Variants in DPYD observed in about 807,000 individuals in gnomAD.
The protein encoded by DPYD is dihydropyrimidine dehydrogenase, also known as dihydropyrimidine dehydrogenase [NADP(+)].
Under a neutral mutation model 116.2 loss-of-function variants are expected in DPYD, and 109 were observed. The ratio of observed to expected loss-of-function variants is 0.94; its 90% CI spans 0.80 to 1.10. DPYD has a LOEUF of 1.10. DPYD is among the 50% of genes least tolerant of loss of function. The probability of loss-of-function intolerance (pLI) is 0.00; values close to 1 mark genes in which losing one functional copy is unlikely to be tolerated. For missense variants in DPYD, 1,302 were observed against 1,254.5 expected (o/e 1.04, Z -0.57); for synonymous variants, 440 against 432.0 (o/e 1.02, Z -0.23).
At chr1:97,418,892 C>A (rs905525739) in intron 14 of DPYD, among the ~76,000 whole-genome samples, 1 of 151,982 alleles carries the variant, frequency 6.6e-6, no homozygotes, top group Non-Finnish European at 1.5e-5. Context: ...ATGACACTTA[C>A]CCTAAAGACT....
chr1:97,582,819 C>G (rs1213153766), intron 10 of DPYD, among the ~76,000 whole-genome samples: 2 of 152,172 alleles, frequency 1.3e-5, no homozygotes, highest in Non-Finnish European at 1.5e-5. Context: ...ATAGTCGTCC[C>G]TTAACTGAGT....
At position 97,260,523 on chromosome 1, in the gene DPYD, T is replaced by C. The variant is rs142292998; in HGVS notation, c.2300-25529A>G. Among the ~76,000 whole-genome samples the C allele has an allele frequency of 7.2e-5, 11 of 152,234 alleles. No individual in the cohort carries two copies. The East Asian group carries it at 1.9e-3, about 27-fold the overall frequency. ...TTATTAAAAGTGTTGCTTGAGAAGA[T>C]ATTAATTTGTTGTATAAGTATACAA... On this transcript the variant is annotated intron_variant, in intron 18 of 22. Coordinates refer to ENST00000370192, the MANE Select transcript of DPYD (RefSeq NM_000110.4).
intron 16 of DPYD, among the ~76,000 whole-genome samples, chr1:97,323,193 C>T (rs138928406): frequency 6.8e-6 from 1 of 146,100 alleles, no homozygotes; most frequent in South Asian, 2.1e-4. Context: ...CATATATACA[C>T]GTATATATAT....
At chr1:97,872,127 C>T (rs1671686953) in intron 2 of DPYD, among the ~76,000 whole-genome samples, 1 of 151,866 alleles carries the variant, frequency 6.6e-6, no homozygotes, top group African/African-American at 2.4e-5. Flanking sequence ...AAACTCTCTA[C>T]TGACAACTGA....
chr1:97,469,396 G>GAAAAAA (rs1557733908), intron 13 of DPYD, among the ~76,000 whole-genome samples: 6 of 8,520 alleles, frequency 7.0e-4, no homozygotes, highest in African/African-American at 3.5e-3. Flanking sequence ...AGCTAAAATT[G>GAAAAAA]CAAAAAAAAA....
intron 13 of DPYD, among the ~76,000 whole-genome samples, chr1:97,471,141 C>T (rs774829740): frequency 1.1e-4 from 17 of 152,146 alleles, no homozygotes; most frequent in Non-Finnish European, 2.1e-4. Context: ...AATGTAAGAA[C>T]AGAGCCTTAT....
intron 18 of DPYD, among the ~76,000 whole-genome samples, chr1:97,242,061 G>GT (rs1301397421): frequency 6.9e-6 from 1 of 145,414 alleles, no homozygotes; most frequent in East Asian, 2.0e-4. Context: ...GTAAATGTGT[G>GT]TATCTGTGTG....
intron 1 of DPYD, among the ~76,000 whole-genome samples, chr1:97,896,185 T>C (rs542963895): frequency 1.9e-4 from 29 of 151,900 alleles, no homozygotes; most frequent in African/African-American, 6.5e-4. Flanking sequence ...CAAACACTCA[T>C]TGAACTATAT....
intron 19 of DPYD, among the ~76,000 whole-genome samples, chr1:97,206,521 T>C (rs1468106539): frequency 6.6e-6 from 1 of 150,576 alleles, no homozygotes; most frequent in Non-Finnish European, 1.5e-5. Context: ...GAACAAAGAT[T>C]AAAATTCTGG....
chr1:97,734,669 C>T (rs1326834949), intron 4 of DPYD, among the ~76,000 whole-genome samples: 2 of 152,158 alleles, frequency 1.3e-5, no homozygotes, highest in Admixed American at 6.5e-5. Context: ...AGGAAAATAG[C>T]TTTTAAGTCA....
chr1:97,158,472 G>GACAT (rs567076316), intron 20 of DPYD, among the ~76,000 whole-genome samples: 2 of 112,030 alleles, frequency 1.8e-5, no homozygotes, highest in Non-Finnish European at 3.7e-5. Flanking sequence ...TAACTCACCA[G>GACAT]ACACACACAC....
At chr1:97,678,478 C>G (rs997957520) in intron 8 of DPYD, among the ~76,000 whole-genome samples, 1 of 152,090 alleles carries the variant, frequency 6.6e-6, no homozygotes, top group African/African-American at 2.4e-5. Context: ...AAGACTAAGT[C>G]AAGCCAACTT....
chr1:97,859,746 C>T (rs1419852756), intron 2 of DPYD, among the ~76,000 whole-genome samples: 1 of 152,018 alleles, frequency 6.6e-6, no homozygotes, highest in Non-Finnish European at 1.5e-5. Flanking sequence ...CAAAACCTTT[C>T]TTTTACTCAT....
intron 2 of DPYD, among the ~76,000 whole-genome samples, chr1:97,881,633 T>G (rs1672226007): frequency 6.6e-6 from 1 of 152,052 alleles, no homozygotes; most frequent in Admixed American, 6.6e-5. Flanking sequence ...ATACAAATGC[T>G]AATTTCCATA....
At chr1:97,585,975 T>A (rs72732342) in intron 10 of DPYD, 3,820 of 218,292 alleles carry the variant, frequency 0.017, 49 homozygotes, top group Non-Finnish European at 0.028. Flanking sequence ...TCCAAAGAGC[T>A]GAGATAGAAG....
intron 1 of DPYD, among the ~76,000 whole-genome samples, chr1:97,891,486 T>C (rs1005942623): frequency 6.6e-6 from 1 of 152,086 alleles, no homozygotes; most frequent in East Asian, 1.9e-4. Flanking sequence ...GATGGAATAT[T>C]ATCCAGGGCC....
At chr1:97,172,501 C>T (rs937326271) in intron 20 of DPYD, among the ~76,000 whole-genome samples, 1 of 152,158 alleles carries the variant, frequency 6.6e-6, no homozygotes, top group African/African-American at 2.4e-5. Context: ...ATAGCTAATG[C>T]TATAAATTCA....
chr1:97,428,796 G>A (rs978764832), intron 14 of DPYD, among the ~76,000 whole-genome samples: 1 of 150,138 alleles, frequency 6.7e-6, no homozygotes, highest in Non-Finnish European at 1.5e-5. Flanking sequence ...TTTTGAGCAT[G>A]TGTAGGTGTT....
chr1:97,279,131 G>C (rs1019675653), intron 18 of DPYD, among the ~76,000 whole-genome samples: 1 of 152,108 alleles, frequency 6.6e-6, no homozygotes, highest in Non-Finnish European at 1.5e-5. Context: ...GCATAGTGGT[G>C]AATCTGTAAG....
Sources: gnomAD v4.1 joint callset for allele counts (sites outside exome capture counted in the v4.1 genomes callset) on GRCh38, gnomAD v4.1.1 for gene constraint, MANE v1.5 for transcripts, NCBI Gene and HGNC (gene_info 2026-07-23, HGNC 2026-07-21) for gene names.